COL9A2: variants seen among roughly 807,000 people sequenced by gnomAD.
The protein encoded by COL9A2 is collagen type IX alpha 2 chain.
COL9A2 carries 66 observed loss-of-function variants against 111.6 expected under a neutral mutation model. The observed-to-expected ratio is 0.59, with a 90% confidence interval of 0.48 to 0.73. COL9A2 has a LOEUF of 0.73. Among genes scored for constraint, COL9A2 ranks in the 30% least tolerant of loss-of-function variants. The pLI, the probability that COL9A2 is intolerant of heterozygous loss-of-function variation, is 0.00. For missense variants in COL9A2, 881 were observed against 954.1 expected (o/e 0.92, Z 1.01); for synonymous variants, 353 against 364.1 (o/e 0.97, Z 0.35).
At position 40,305,754 on chromosome 1, in the gene COL9A2, C is replaced by T. The variant is rs752181922; in HGVS notation, c.1068G>A (p.Pro356=). Residue 356 remains proline, a synonymous_variant, in exon 21 of 32, where the codon CCG becomes CCA. Transcript: ENST00000372748. ...GGPGDQGEPG[P]QGLPGFSGPP... ...GACCAGAGAATCCAGGAAGGCCCTGCGGGCCCGGCTCACCCTGCAGGAAAA... is the reference window on the plus strand; with the variant it reads ...GACCAGAGAATCCAGGAAGGCCCTGTGGGCCCGGCTCACCCTGCAGGAAAA... 1.2e-5 allele frequency: 20 copies of T among 1,613,916 alleles called. No individual in the cohort carries two copies. Among genetic ancestry groups the T allele is most frequent in the African/African-American group, 1.1e-4 (8 of 74,928 alleles).
In COL9A2 at chr1:40,314,432, A is replaced by G. The variant is rs769902872; in HGVS notation, c.151-45T>C. 89 of 1,613,266 alleles carry G rather than the reference A, an allele frequency of 5.5e-5. 1 individual carries two copies. The South Asian group carries it at 9.1e-4, about 17-fold the overall frequency. Reference sequence around the variant, plus strand: ...GAGACAGCACACTACGGCTCACACTACCCCAAGTGGGCACACACAGGCCCT... The same window carrying G: ...GAGACAGCACACTACGGCTCACACTGCCCCAAGTGGGCACACACAGGCCCT... On this transcript the variant is annotated intron_variant, in intron 2 of 31. Transcript: ENST00000372748. The surrounding 1 kb of genome is among the most constrained non-coding windows in gnomAD (Gnocchi z 4.1).
At position 40,301,871 on chromosome 1, in the gene COL9A2, C is replaced by A. The variant is rs1643920026; in HGVS notation, c.1811G>T (p.Gly604Val). The A allele has an allele frequency of 1.2e-6, 2 of 1,613,998 alleles. No homozygotes were observed. The highest frequency in any genetic ancestry group is 2.7e-5 in the African/African-American group (2 of 74,932). Residue 604 changes from glycine to valine, a missense_variant, in exon 31 of 32, where the codon GGT becomes GTT. Physicochemically the swap from Gly to Val is moderately radical, Grantham distance 109. Transcript: ENST00000372748. ...TGPKGKRGEKGDPGEVGRGHP... is the reference protein window; with the variant it reads ...TGPKGKRGEKVDPGEVGRGHP... The stretch of plus-strand genomic sequence containing the variant: ...CCCCCGTCCCACTTCTCCTGGATCA[C>A]CCTTCTCTCCACGTTTTCCTGTAGA...
Position 40,304,103 on chromosome 1 carries a change from G to A in COL9A2, c.1288-4C>T. The A allele has an allele frequency of 7.7e-6, 12 of 1,557,496 alleles. No homozygotes were observed. Among genetic ancestry groups the A allele is most frequent in the Non-Finnish European group, 1.0e-5 (12 of 1,152,326 alleles). On this transcript the variant is annotated splice_polypyrimidine_tract_variant and splice_region_variant and intron_variant, in intron 24 of 31. Transcript: ENST00000372748. The stretch of plus-strand genomic sequence containing the variant: ...GCCCGGTCTTCCCTGGGGAGCCCTG[G>A]AGAAAGCGGGCAGTGAGGGGTTTGG...
chr1:40,306,908 A>C (rs1644038772), intron 19 of COL9A2, among the ~76,000 whole-genome samples: 1 of 145,850 alleles, frequency 6.9e-6, no homozygotes, highest in Admixed American at 7.0e-5. Flanking sequence ...GCAGTGGTGT[A>C]ATCTTGGCTC....
At chr1:40,304,939 T>C in intron 21 of COL9A2, 92 bp from the exon 22 acceptor site, 4 of 1,151,554 alleles carry the variant, frequency 3.5e-6, no homozygotes, top group Non-Finnish European at 4.9e-6. Flanking sequence ...GGGTCTCAGC[T>C]AATTTGCTTC....
Position 40,302,846 on chromosome 1 carries a change from A to G in COL9A2, c.1604-37T>C. The G allele has an allele frequency of 6.5e-7, 1 of 1,532,120 alleles. No homozygotes were observed. The highest frequency in any genetic ancestry group is 1.2e-5 in the South Asian group (1 of 83,738). 94.9% of individuals were successfully genotyped at this position (1,532,120 alleles called of 1,614,324 possible). The stretch of plus-strand genomic sequence containing the variant: ...GAGGGAGGGAGGGAGAGGGAAGTCT[A>G]TGAGATGGGTGTCAGCAGTAACACT... On this transcript the variant is annotated intron_variant, in intron 29 of 31. Coordinates refer to ENST00000372748, the MANE Select transcript of COL9A2 (RefSeq NM_001852.4). The surrounding 1 kb of genome is among the most constrained non-coding windows in gnomAD (Gnocchi z 4.5).
At position 40,305,725 on chromosome 1, in the gene COL9A2, G is replaced by A. The variant is rs1644018316; in HGVS notation, c.1097C>T (p.Pro366Leu). ...PQGLPGFSGP[P>L]GKEGEPGPRG... ...GCAGGGGGCATTTACCTCTTTCCCAGGGGGACCAGAGAATCCAGGAAGGCC... is the reference window on the plus strand; with the variant it reads ...GCAGGGGGCATTTACCTCTTTCCCAAGGGGACCAGAGAATCCAGGAAGGCC... Residue 366 changes from proline (P) to leucine (L), a missense_variant, in exon 21 of 32, where the codon CCT (proline) becomes CTT (leucine). By Grantham distance (98) the Pro-to-Leu change is moderately conservative (BLOSUM62 -3). Coordinates refer to ENST00000372748, the MANE Select transcript of COL9A2 (RefSeq NM_001852.4). 7 of 1,614,024 alleles carry A rather than the reference G, an allele frequency of 4.3e-6. No homozygotes were observed. Among genetic ancestry groups the A allele is most frequent in the African/African-American group, 1.3e-5 (1 of 75,032 alleles).
rs944831834 is a variant in COL9A2 at position 40,312,525 on chromosome 1, G to T, written c.340-46C>A. 1.9e-6 allele frequency: 3 copies of T among 1,613,884 alleles called. No individual in the cohort carries two copies. In the Admixed American group the frequency reaches 5.0e-5, roughly 27 times the overall value. ...ATTGGCTTCATGGCTCCCTCTGCAG[G>T]TCCCCTCTCCCCCAAGAGTCCCTCG... On this transcript the variant is annotated intron_variant, in intron 6 of 31. Coordinates refer to ENST00000372748, the MANE Select transcript of COL9A2 (RefSeq NM_001852.4). This position sits in a 1 kb window ranked among gnomAD's most constrained non-coding sequence, Gnocchi z 6.0.
At chr1:40,315,444 T>C (rs1239465964) in intron 2 of COL9A2, 146 bp downstream of exon 2, 12 of 1,451,832 alleles carry the variant, frequency 8.3e-6, no homozygotes, top group Admixed American at 2.8e-5. Flanking sequence ...AACGGCGTCC[T>C]TGTGGTGCGG....
rs754966856 is a variant in COL9A2 at position 40,304,306 on chromosome 1, G to A, written c.1287+14C>T. The A allele has an allele frequency of 5.8e-6, 9 of 1,554,196 alleles. No individual in the cohort carries two copies. In the South Asian group the frequency reaches 9.5e-5, roughly 16 times the overall value. The stretch of plus-strand genomic sequence containing the variant: ...GGGCCCCTTTCCCAGGTGTTTCCCA[G>A]CCCCATCTGGCACCTTGTCTCCTTT... On this transcript the variant is annotated intron_variant, in intron 24 of 31. Coordinates refer to ENST00000372748, the MANE Select transcript of COL9A2 (RefSeq NM_001852.4).
At position 40,314,306 on chromosome 1, in the gene COL9A2, G is replaced by A. The variant is rs1557805447; in HGVS notation, c.187-39C>T. The A allele has an allele frequency of 6.2e-7, 1 of 1,614,206 alleles. No individual in the cohort carries two copies. On this transcript the variant is annotated intron_variant, in intron 3 of 31. Transcript: ENST00000372748. The surrounding 1 kb of genome is among the most constrained non-coding windows in gnomAD (Gnocchi z 4.1). ...ATGGAACAAACATGAGCCAGAGGAG[G>A]GCAAGAGCAGGAAGGGTCAAAGGCC...
rs1474269769 is a variant in COL9A2 at position 40,303,792 on chromosome 1, G to C, written c.1401+15C>G. ...GCCCAGGAAAGTCGGAGAACGCCGG[G>C]AGGGGAGGACTCACCTGTCCCTTGG... On this transcript the variant is annotated intron_variant, in intron 27 of 31. Coordinates refer to ENST00000372748, the MANE Select transcript of COL9A2 (RefSeq NM_001852.4). This position sits in a 1 kb window ranked among gnomAD's most constrained non-coding sequence, Gnocchi z 4.6. 4 of 1,563,560 alleles carry C rather than the reference G, an allele frequency of 2.6e-6. No homozygotes were observed. In the African/African-American group the frequency reaches 5.4e-5, roughly 21 times the overall value.
rs765964961 is a variant in COL9A2 at position 40,302,267 on chromosome 1, G to C, written c.1792+354C>G. On this transcript the variant is annotated intron_variant, in intron 30 of 31. Coordinates refer to ENST00000372748, the MANE Select transcript of COL9A2 (RefSeq NM_001852.4). The surrounding 1 kb of genome is among the most constrained non-coding windows in gnomAD (Gnocchi z 4.5). ...GCCCAGGGAAATTAGCAGGTAACTCGTCTGAGAGCCACGATGAGAAAGGGG... is the reference window on the plus strand; with the variant it reads ...GCCCAGGGAAATTAGCAGGTAACTCCTCTGAGAGCCACGATGAGAAAGGGG... Among the ~76,000 whole-genome samples the C allele has an allele frequency of 6.6e-6, 1 of 152,098 alleles. No individual in the cohort carries two copies. The highest frequency in any genetic ancestry group is 2.4e-5 in the African/African-American group (1 of 41,410).
intron 16 of COL9A2, 40 bp from the exon 17 acceptor site, chr1:40,308,285 G>C (rs779953824): frequency 7.2e-5 from 115 of 1,598,692 alleles, no homozygotes; most frequent in Non-Finnish European, 9.8e-5. Context: ...TCAGGATGTT[G>C]GGCCCCTGTC....
In COL9A2 at chr1:40,311,062, C is replaced by T. The variant is rs1173785723; in HGVS notation, c.630+31G>A. ...CCTGTAGGACCATCTCCACGTATCC[C>T]TGACCCACAGCCCTCAGCCCTTGCA... is the stretch of plus-strand genomic sequence containing the variant. On this transcript the variant is annotated intron_variant, in intron 12 of 31. Coordinates refer to ENST00000372748, the MANE Select transcript of COL9A2 (RefSeq NM_001852.4). The surrounding 1 kb of genome is among the most constrained non-coding windows in gnomAD (Gnocchi z 5.1). 6.2e-7 allele frequency: 1 copy of T among 1,613,358 alleles called. No individual in the cohort carries two copies. The highest frequency in any genetic ancestry group is 2.2e-5 in the East Asian group (1 of 44,890).
rs746562272 is a variant in COL9A2 at position 40,301,912 on chromosome 1, T to C, written c.1793-23A>G. 13 of 1,605,834 alleles carry C rather than the reference T, an allele frequency of 8.1e-6. No individual in the cohort carries two copies. The Admixed American group carries it at 2.2e-4, about 27-fold the overall frequency. On this transcript the variant is annotated intron_variant, in intron 30 of 31. Coordinates refer to ENST00000372748, the MANE Select transcript of COL9A2 (RefSeq NM_001852.4). ...TTCCTGTAGACAAAAAAGGAAATCT[T>C]CATTTTTCAGAATTGGAAAATGCTT...
At chr1:40,304,886 G>A (rs1187468214) in intron 21 of COL9A2, 39 bp from the exon 22 acceptor site, 7 of 1,537,426 alleles carry the variant, frequency 4.6e-6, no homozygotes, top group South Asian at 1.2e-5. Flanking sequence ...GTTTGACCTG[G>A]TGGAACCCAC....
Position 40,311,400 on chromosome 1 carries a change from C to T in COL9A2, c.519+100G>A. The T allele has an allele frequency of 6.3e-7, 1 of 1,576,324 alleles. No individual in the cohort carries two copies. ...TGGTGGAACCCCTGCACTGCAGCCC[C>T]TCCCCATCTCTCCAGACACCCCCAT... On this transcript the variant is annotated intron_variant, in intron 10 of 31. Coordinates refer to ENST00000372748, the MANE Select transcript of COL9A2 (RefSeq NM_001852.4). This position sits in a 1 kb window ranked among gnomAD's most constrained non-coding sequence, Gnocchi z 5.1.
At position 40,310,830 on chromosome 1, in the gene COL9A2, C is replaced by T. The variant is rs1163313951; in HGVS notation, c.631-63G>A. ...ATGGAAAGACACATATACAGACAAG[C>T]AAAGATACCACCTCTTTTCCCCAGC... On this transcript the variant is annotated intron_variant, in intron 12 of 31. Transcript: ENST00000372748. The surrounding 1 kb of genome is among the most constrained non-coding windows in gnomAD (Gnocchi z 4.9). 4.4e-6 allele frequency: 6 copies of T among 1,353,176 alleles called. No homozygotes were observed. The highest frequency in any genetic ancestry group is 6.2e-6 in the Non-Finnish European group (6 of 967,214). 83.8% of individuals were successfully genotyped at this position (1,353,176 alleles called of 1,614,324 possible). A position where few individuals can be genotyped will look rare whatever the true frequency, so the allele number is the denominator to read the frequency against.
Sources: allele counts gnomAD v4.1 joint callset (sites outside exome capture counted in the v4.1 genomes callset), GRCh38; gene constraint gnomAD v4.1.1; non-coding constraint Gnocchi (gnomAD v3.1); transcripts MANE v1.5; gene names NCBI Gene and HGNC (gene_info 2026-07-23, HGNC 2026-07-21).